Variants in MAPKBP1 observed in about 807,000 individuals in gnomAD.
MAPKBP1 encodes mitogen-activated protein kinase-binding protein 1.
A neutral mutation model predicts 170.5 loss-of-function variants in MAPKBP1; 71 were observed. The ratio of observed to expected loss-of-function variants is 0.42; its 90% confidence interval spans 0.34 to 0.51. The LOEUF (loss-of-function observed/expected upper bound fraction) is 0.51. MAPKBP1 is among the 20% of genes least tolerant of loss of function. MAPKBP1 has a pLI of 0.06. For missense variants in MAPKBP1, 1,598 were observed against 1,933.0 expected, an observed-to-expected ratio of 0.83 and a Z score of 3.25; for synonymous variants, 719 against 757.9, an observed-to-expected ratio of 0.95 and a Z score of 0.84.
rs2065012590 is a variant in MAPKBP1, at chr15:41,822,303, A to C, written c.3110A>C (p.Glu1037Ala). Residue 1037 changes from glutamate to alanine, a missense_variant, in exon 26 of 31, where the codon GAG (glutamate) becomes GCG (alanine). By Grantham distance (107) the Glu-to-Ala change is moderately radical. Around this residue, in one of 6 missense-constraint regions of MAPKBP1, gnomAD observed 942 missense variants for 953.2 expected, o/e 0.99. Transcript: ENST00000457542. Reference sequence around the variant, plus strand: ...GAGCCAGCTGAGGGTGATGAAGAAGAGGAAGAAGAGGAGGGAGGCATGGGC... The same window carrying C: ...GAGCCAGCTGAGGGTGATGAAGAAGCGGAAGAAGAGGAGGGAGGCATGGGC... ...LEEPAEGDEE[E>A]EEEEGGMGPY... 6.2e-7 allele frequency: 1 copy of C among 1,613,898 alleles called. No individual in the cohort carries two copies. Among genetic ancestry groups the C allele is most frequent in the African/African-American group, 1.3e-5 (1 of 74,908 alleles).
In MAPKBP1 at chr15:41,816,904, C is replaced by T; in HGVS notation, c.1586-6C>T. ...TCATGGGCTGATGGAGTTCTTTCAT[C>T]CCCAGGTCTGAAACTGCTAGCATCG... On this transcript the variant is annotated splice_region_variant and splice_polypyrimidine_tract_variant and intron_variant, in intron 13 of 30. Coordinates refer to ENST00000457542, the MANE Select transcript of MAPKBP1 (RefSeq NM_014994.3). 6.2e-7 allele frequency: 1 copy of T among 1,600,504 alleles called. No individual in the cohort carries two copies. Among genetic ancestry groups the T allele is most frequent in the Non-Finnish European group, 8.5e-7 (1 of 1,172,172 alleles).
chr15:41,817,782 A>G lies in MAPKBP1; in HGVS notation c.1904+47A>G. 4 of 1,598,830 alleles carry G rather than the reference A, an allele frequency of 2.5e-6. No individual in the cohort carries two copies. Among genetic ancestry groups the G allele is most frequent in the Non-Finnish European group, 3.4e-6 (4 of 1,172,468 alleles). On this transcript the variant is annotated intron_variant, in intron 16 of 30. Transcript: ENST00000457542. This position sits in a 1 kb window ranked among gnomAD's most constrained non-coding sequence, Gnocchi z 4.2. ...TCTGCCCACATTCCTTCATCTCCCT[A>G]CGGGGTCAGCTCTGTGCAGCTAAGT...
Position 41,817,580 on chromosome 15 carries a change from G to C in MAPKBP1, c.1783-34G>C. 6.2e-7 allele frequency: 1 copy of C among 1,613,956 alleles called. No homozygotes were observed. Among genetic ancestry groups the C allele is most frequent in the Non-Finnish European group, 8.5e-7 (1 of 1,179,908 alleles). On this transcript the variant is annotated intron_variant, in intron 15 of 30. Coordinates refer to ENST00000457542, the MANE Select transcript of MAPKBP1 (RefSeq NM_014994.3). This position sits in a 1 kb window ranked among gnomAD's most constrained non-coding sequence, Gnocchi z 4.2. Reference sequence around the variant, plus strand: ...CTCTTGGGGCCTGGTGAGGCATTTGGGTGTGGGCCTGCCCACATGCTCCAC... The same window carrying C: ...CTCTTGGGGCCTGGTGAGGCATTTGCGTGTGGGCCTGCCCACATGCTCCAC...
intron 21 of MAPKBP1, 88 bp from the exon 22 acceptor site, chr15:41,819,505 CAG>C: frequency 1.4e-6 from 2 of 1,439,986 alleles, no homozygotes; most frequent in Non-Finnish European, 9.4e-7. Context: ...TGTGGCCACA[CAG>C]GGTATGGGCT....
At chr15:41,798,931 G>A (rs976420386) in intron 2 of MAPKBP1, among the ~76,000 whole-genome samples, 1 of 152,230 alleles carries the variant, frequency 6.6e-6, no homozygotes, top group Non-Finnish European at 1.5e-5. Context: ...AAGACCTGGA[G>A]CAGCAAGTGA....
chr15:41,815,221 C>T (rs183633907), intron 10 of MAPKBP1, 38 bp from the exon 11 acceptor site: 49 of 1,612,370 alleles, frequency 3.0e-5, no homozygotes, highest in East Asian at 1.3e-4. Flanking sequence ...GGACTGCTCC[C>T]GAATGGAGGT....
At chr15:41,822,179 A>C (rs1485515420) in intron 25 of MAPKBP1, 46 bp from the exon 26 acceptor site, 1 of 1,603,522 alleles carries the variant, frequency 6.2e-7, no homozygotes, top group South Asian at 1.1e-5. Context: ...AGGCTCTGGC[A>C]ACAGATGGGT....
At position 41,822,694 on chromosome 15, in the gene MAPKBP1, C is replaced by A. The variant is rs1255521830; in HGVS notation, c.3314+17C>A. The stretch of plus-strand genomic sequence containing the variant: ...CCCACTCAGGTACAGAGGCCCCCTA[C>A]CCCCCAGCAGCAGCTCTGGCTCTCC... On this transcript the variant is annotated intron_variant, in intron 27 of 30. Transcript: ENST00000457542. The A allele has an allele frequency of 1.2e-6, 2 of 1,612,656 alleles. No homozygotes were observed. Among genetic ancestry groups the A allele is most frequent in the East Asian group, 2.2e-5 (1 of 44,870 alleles).
intron 2 of MAPKBP1, among the ~76,000 whole-genome samples, chr15:41,790,637 C>CT (rs919848793): frequency 2.0e-5 from 3 of 152,114 alleles, no homozygotes; most frequent in Non-Finnish European, 4.4e-5. Context: ...GCAGGATACC[C>CT]TTTTTTTGTT....
At chr15:41,803,813 T>G (rs1272072963) in intron 3 of MAPKBP1, among the ~76,000 whole-genome samples, 1 of 152,152 alleles carries the variant, frequency 6.6e-6, no homozygotes, top group East Asian at 1.9e-4. Context: ...GAGCTCTGAT[T>G]GTTAAAATGG....
chr15:41,826,331 G>C lies in MAPKBP1; in HGVS notation c.*895G>C, dbSNP rs898432928. On this transcript the variant is annotated 3_prime_UTR_variant, in exon 31 of 31. Coordinates refer to ENST00000457542, the MANE Select transcript of MAPKBP1 (RefSeq NM_014994.3). ...GTGTTGGAACATCCCTCGTTTACGG[G>C]GCGCTGGCCTACCTCCTGAGGACCT... is the stretch of plus-strand genomic sequence containing the variant. 1 of 152,418 alleles carries C rather than the reference G, an allele frequency of 6.6e-6. No homozygotes were observed. The highest frequency in any genetic ancestry group is 6.5e-5 in the Admixed American group (1 of 15,268). The allele number at this position is 152,418 out of a possible 1,614,324, so 9.4% of individuals were successfully genotyped here.
Position 41,825,458 on chromosome 15 carries a change from T to C in MAPKBP1, c.*22T>C. On this transcript the variant is annotated 3_prime_UTR_variant, in exon 31 of 31. Coordinates refer to ENST00000457542, the MANE Select transcript of MAPKBP1 (RefSeq NM_014994.3). ...CTGAGTTCTGGAAGCCTGTCCCAAGTGAATGAATGCTCCAGCGATTCCAAA... is the reference window on the plus strand; with the variant it reads ...CTGAGTTCTGGAAGCCTGTCCCAAGCGAATGAATGCTCCAGCGATTCCAAA... The C allele has an allele frequency of 2.5e-6, 4 of 1,572,374 alleles. No individual in the cohort carries two copies. The South Asian group carries it at 4.6e-5, about 18-fold the overall frequency.
chr15:41,827,725 T>G lies in MAPKBP1; in HGVS notation c.*2289T>G. On this transcript the variant is annotated 3_prime_UTR_variant, in exon 31 of 31. Transcript: ENST00000457542. ...CCTTGTTTTGAAAGCCCCTTATTTA[T>G]AACTTTTATACTTTGTGCAGGTCGC... 2 of 167,646 alleles carry G rather than the reference T, an allele frequency of 1.2e-5. No individual in the cohort carries two copies. The highest frequency in any genetic ancestry group is 1.6e-4 in the East Asian group (1 of 6,226). 10.4% of individuals were successfully genotyped at this position (167,646 alleles called of 1,614,324 possible).
Position 41,812,136 on chromosome 15 carries a change from C to T in MAPKBP1, c.498+9C>T. 6.2e-7 allele frequency: 1 copy of T among 1,613,904 alleles called. No individual in the cohort carries two copies. Among genetic ancestry groups the T allele is most frequent in the Non-Finnish European group, 8.5e-7 (1 of 1,179,868 alleles). On this transcript the variant is annotated intron_variant, in intron 6 of 30. Coordinates refer to ENST00000457542, the MANE Select transcript of MAPKBP1 (RefSeq NM_014994.3). ...ACGTGTGGGCCTGGAAGGTGAGTGG[C>T]TGGGTGGGGTGGCCTGGCAGCCTCA...
At chr15:41,795,718 T>A (rs918809790) in intron 2 of MAPKBP1, among the ~76,000 whole-genome samples, 2 of 152,208 alleles carry the variant, frequency 1.3e-5, no homozygotes, top group Admixed American at 1.3e-4. Flanking sequence ...ACCATTGTCC[T>A]GCCTCAGCCT....
intron 2 of MAPKBP1, among the ~76,000 whole-genome samples, chr15:41,790,156 C>T (rs2064369555): frequency 6.6e-6 from 1 of 152,186 alleles, no homozygotes; most frequent in African/African-American, 2.4e-5. Flanking sequence ...GCTGTAGATC[C>T]TCTCTCTGCC....
intron 2 of MAPKBP1, among the ~76,000 whole-genome samples, chr15:41,798,109 G>A (rs965527428): frequency 5.3e-5 from 8 of 151,388 alleles, no homozygotes; most frequent in African/African-American, 1.9e-4. Context: ...AACTAGCAGG[G>A]TGTGGTGGCG....
In MAPKBP1 at chr15:41,821,997, C is replaced by G. The variant is rs2065006101; in HGVS notation, c.2918C>G (p.Thr973Ser). 1.9e-6 allele frequency: 3 copies of G among 1,610,710 alleles called. No individual in the cohort carries two copies. Among genetic ancestry groups the G allele is most frequent in the Non-Finnish European group, 2.5e-6 (3 of 1,178,526 alleles). Reference protein sequence around the residue: ...EFQVQAPARGTLGRVYPGSRS... With the variant: ...EFQVQAPARGSLGRVYPGSRS... ...CAAGTGCAGGCTCCAGCCCGGGGAA[C>G]TCTGGGAAGAGTGTACCCAGGCAGC... Residue 973 changes from threonine (T) to serine (S), a missense_variant, in exon 25 of 31, where the codon ACT becomes AGT. Transcript: ENST00000457542.
At position 41,792,836 on chromosome 15, in the gene MAPKBP1, G is replaced by T. The variant is rs760238906; in HGVS notation, c.115-6987G>T. ...CTTTCCTAACTCACTTTCTTCAAGCGATCCTTGAGGCCAGAACTCTCACTT... is the reference window on the plus strand; with the variant it reads ...CTTTCCTAACTCACTTTCTTCAAGCTATCCTTGAGGCCAGAACTCTCACTT... On this transcript the variant is annotated intron_variant, in intron 2 of 30. Transcript: ENST00000457542. Among the ~76,000 whole-genome samples, 80 of 152,098 alleles carry T rather than the reference G, an allele frequency of 5.3e-4. 1 individual carries two copies. The highest frequency in any genetic ancestry group is 9.3e-4 in the Non-Finnish European group (63 of 68,018).
Sources: allele counts gnomAD v4.1 joint callset (sites outside exome capture counted in the v4.1 genomes callset), GRCh38; gene constraint gnomAD v4.1.1; regional missense constraint gnomAD v4.1.1; non-coding constraint Gnocchi (gnomAD v3.1); transcripts MANE v1.5; gene names NCBI Gene and HGNC (gene_info 2026-07-23, HGNC 2026-07-21).